ZNF311: variants seen among roughly 807,000 people sequenced by gnomAD.
The protein encoded by ZNF311 is zinc finger protein 311.
In ZNF311, 14 loss-of-function variants were observed where a neutral mutation model predicts 22.7. That is an observed-to-expected ratio of 0.62 (90% CI 0.41 to 0.96). The LOEUF (loss-of-function observed/expected upper bound fraction) is 0.96, where lower values mean the gene tolerates loss of function less well. Among genes scored for constraint, ZNF311 ranks in the 40% least tolerant of loss-of-function variants. ZNF311 has a pLI of 0.00. For missense variants in ZNF311, 731 were observed against 799.0 expected, an observed-to-expected ratio of 0.91 and a Z score of 1.03; for synonymous variants, 250 against 275.3, an observed-to-expected ratio of 0.91 and a Z score of 0.91.
Position 28,995,745 on chromosome 6 carries a change from C to T in ZNF311, c.1257G>A (p.Lys419=), listed in dbSNP as rs1779428368. 1.2e-6 allele frequency: 2 copies of T among 1,613,920 alleles called. No homozygotes were observed. The highest frequency in any genetic ancestry group is 1.7e-6 in the Non-Finnish European group (2 of 1,180,038). ...HTGERPYECS[K]CGRAFSRSSD... ...AGCTCCGACTGAAGGCCCTTCCACA[C>T]TTGCTGCACTCATAAGGTCGTTCCC... Residue 419 remains lysine, a synonymous_variant, in exon 7 of 7, where the codon AAG becomes AAA. Transcript: ENST00000377179. The surrounding 1 kb of genome is among the most constrained non-coding windows in gnomAD (Gnocchi z 4.7).
rs764549280 is a variant in ZNF311 at position 28,998,781 on chromosome 6, C to T, written c.368G>A (p.Cys123Tyr). The T allele has an allele frequency of 3.1e-6, 5 of 1,612,832 alleles. No individual in the cohort carries two copies. Among genetic ancestry groups the T allele is most frequent in the East Asian group, 2.2e-5 (1 of 44,868 alleles). ...CTCCCTGTCCTGTGGATCCTGCACA[C>T]AGGGGTCTACTTCTCGCTCCAGATG... is the stretch of plus-strand genomic sequence containing the variant. Reference protein sequence around the residue: ...ISHLEREVDPCVQDPQDRESL... With the variant: ...ISHLEREVDPYVQDPQDRESL... Residue 123 changes from cysteine (C) to tyrosine (Y), a missense_variant, in exon 6 of 7, where the codon TGT becomes TAT. Cys to Tyr is a radical substitution (Grantham distance 194, BLOSUM62 -2). Transcript: ENST00000377179.
chr6:29,003,901 T>C, intron 2 of ZNF311, 45 bp downstream of exon 2: 1 of 1,612,828 alleles, frequency 6.2e-7, no homozygotes, highest in Non-Finnish European at 8.5e-7. Context: ...GACTCACTTC[T>C]CCTTCTTCCT....
Position 28,996,363 on chromosome 6 carries a change from C to T in ZNF311, c.639G>A (p.Val213=). 6.2e-7 allele frequency: 1 copy of T among 1,611,922 alleles called. No individual in the cohort carries two copies. The highest frequency in any genetic ancestry group is 1.1e-5 in the South Asian group (1 of 91,036). The change falls in exon 7 of 7, where the codon GTG becomes GTA. Residue 213 remains valine (V), a synonymous_variant. Coordinates refer to ENST00000377179, the MANE Select transcript of ZNF311 (RefSeq NM_001382360.1). ...TCTGGTTCTTTCCTTTTTTGCAGGT[C>T]ACTTCCTCAGAGCCTTCTTTCTCTT... ...LREEKEGSEE[V]TCKKGKNQKV... is the part of the protein sequence containing the mutation.
In ZNF311 at chr6:28,995,048, C is replaced by G; in HGVS notation, c.1954G>C (p.Val652Leu). ...ACTACTGAGGTCTGAGAAACAGTCA[C>G]TGGAGAGAGGGATTTCCTACTCCCA... ...LDGSRKSLSP[V>L]TVSQTSVVSI... is the part of the protein sequence containing the mutation. The change falls in exon 7 of 7, where the codon GTG becomes CTG. Residue 652 changes from valine to leucine, a missense_variant. Val to Leu is a conservative substitution (Grantham distance 32). Coordinates refer to ENST00000377179, the MANE Select transcript of ZNF311 (RefSeq NM_001382360.1). The surrounding 1 kb of genome is among the most constrained non-coding windows in gnomAD (Gnocchi z 4.7). The G allele has an allele frequency of 1.2e-6, 2 of 1,612,996 alleles. No individual in the cohort carries two copies. Among genetic ancestry groups the G allele is most frequent in the South Asian group, 2.2e-5 (2 of 90,996 alleles).
At chr6:28,997,954 T>C (rs1399805722) in intron 6 of ZNF311, among the ~76,000 whole-genome samples, 1 of 152,146 alleles carries the variant, frequency 6.6e-6, no homozygotes, top group Non-Finnish European at 1.5e-5. Flanking sequence ...AAAACAGACG[T>C]CATATCATGA....
At chr6:28,999,084 G>GT (rs77858810) in intron 5 of ZNF311, among the ~76,000 whole-genome samples, 10,417 of 141,166 alleles carry the variant, frequency 0.074, 391 homozygotes, top group African/African-American at 0.11. Context: ...GTGCTCTCCT[G>GT]TTTTTTTTTT....
chr6:29,000,172 C>G, intron 3 of ZNF311, 125 bp from the exon 4 acceptor site: 1 of 817,940 alleles, frequency 1.2e-6, no homozygotes, highest in Non-Finnish European at 1.9e-6. Context: ...AGGCTACTGC[C>G]TTACAGTATC....
At chr6:28,997,818 C>A (rs1228648577) in intron 6 of ZNF311, among the ~76,000 whole-genome samples, 1 of 152,146 alleles carries the variant, frequency 6.6e-6, no homozygotes, top group Non-Finnish European at 1.5e-5. Context: ...TCTCCTTTGC[C>A]TCAGTTGCTT....
intron 6 of ZNF311, 59 bp downstream of exon 6, chr6:28,998,675 C>G (rs1407919961): frequency 8.1e-7 from 1 of 1,241,092 alleles, no homozygotes; most frequent in Non-Finnish European, 1.2e-6. Context: ...TGAGAATGTT[C>G]CATAACCATT....
chr6:28,998,965 A>C (rs1780029813), intron 5 of ZNF311, 127 bp from the exon 6 acceptor site: 2 of 617,238 alleles, frequency 3.2e-6, no homozygotes, highest in Admixed American at 6.8e-5. Context: ...TAGATAGAGA[A>C]AAGGGTTTTT....
At position 28,995,280 on chromosome 6, in the gene ZNF311, T is replaced by C. The variant is rs750348582; in HGVS notation, c.1722A>G (p.Lys574=). ...ATGGCTTCTCACCAGTGTGGATTCT[T>C]TTGTGCTGCCTCAGGACTGAACTAT... The part of the protein sequence containing the change: ...FHHSSVLRQH[K]RIHTGEKPYT... Residue 574 remains lysine (K), a synonymous_variant, in exon 7 of 7, where the codon AAA becomes AAG. Coordinates refer to ENST00000377179, the MANE Select transcript of ZNF311 (RefSeq NM_001382360.1). The surrounding 1 kb of genome is among the most constrained non-coding windows in gnomAD (Gnocchi z 4.7). 6.2e-7 allele frequency: 1 copy of C among 1,613,820 alleles called. No individual in the cohort carries two copies. Among genetic ancestry groups the C allele is most frequent in the Non-Finnish European group, 8.5e-7 (1 of 1,179,988 alleles).
chr6:28,995,399 C>G lies in ZNF311; in HGVS notation c.1603G>C (p.Ala535Pro), dbSNP rs1779340918. Residue 535 changes from alanine to proline, a missense_variant, in exon 7 of 7, where the codon GCT becomes CCT. Physicochemically the swap from Ala to Pro is conservative, Grantham distance 27 (BLOSUM62 -1). Transcript: ENST00000377179. The surrounding 1 kb of genome is among the most constrained non-coding windows in gnomAD (Gnocchi z 4.7). ...KPYKCLECGKAFSGKSNLTNH... is the reference protein window; with the variant it reads ...KPYKCLECGKPFSGKSNLTNH... ...GTCAAGTTTGACTTCCCACTGAAAGCTTTCCCACACTCTAAACATTTGTAA... is the reference window on the plus strand; with the variant it reads ...GTCAAGTTTGACTTCCCACTGAAAGGTTTCCCACACTCTAAACATTTGTAA... The G allele has an allele frequency of 6.2e-7, 1 of 1,614,146 alleles. No homozygotes were observed. The highest frequency in any genetic ancestry group is 8.5e-7 in the Non-Finnish European group (1 of 1,180,032).
intron 3 of ZNF311, among the ~76,000 whole-genome samples, chr6:29,003,165 C>A (rs1780687028): frequency 6.6e-6 from 1 of 152,112 alleles, no homozygotes; most frequent in Non-Finnish European, 1.5e-5. Flanking sequence ...CTGAATTATA[C>A]CACAAGTTTT....
chr6:29,003,876 T>C (rs1780799421), intron 2 of ZNF311, 70 bp downstream of exon 2: 1 of 1,612,760 alleles, frequency 6.2e-7, no homozygotes, highest in Non-Finnish European at 8.5e-7. Context: ...CTCACACTGC[T>C]TTCCTTCTTT....
At position 28,996,499 on chromosome 6, in the gene ZNF311, A is replaced by C; in HGVS notation, c.503T>G (p.Phe168Cys). ...FENGEAYWMKFNSLLKVDSRD... is the reference protein window; with the variant it reads ...FENGEAYWMKCNSLLKVDSRD... ...GGAATCAACTTTTAGGAGACTGTTA[A>C]ATTTCATCCAGTAGGCTTCTCCATT... The change falls in exon 7 of 7, where the codon TTT (phenylalanine) becomes TGT (cysteine). Residue 168 changes from phenylalanine to cysteine, a missense_variant. Transcript: ENST00000377179. 1.9e-6 allele frequency: 3 copies of C among 1,607,530 alleles called. No homozygotes were observed. The highest frequency in any genetic ancestry group is 2.5e-6 in the Non-Finnish European group (3 of 1,179,994).
At chr6:29,004,926 T>C (rs1176373327) in intron 1 of ZNF311, 82 bp downstream of exon 1, 1 of 152,200 alleles carries the variant, frequency 6.6e-6, no homozygotes, top group African/African-American at 2.4e-5. Context: ...TTCTTATAGG[T>C]CATCTTCCCA....
intron 3 of ZNF311, 93 bp from the exon 4 acceptor site, chr6:29,000,140 T>C: frequency 8.3e-7 from 1 of 1,205,274 alleles, no homozygotes; most frequent in Non-Finnish European, 1.2e-6. Flanking sequence ...TAGAAGCTTC[T>C]GCAGCTCTAA....
Position 28,996,131 on chromosome 6 carries a change from A to G in ZNF311, c.871T>C (p.Ser291Pro). The change falls in exon 7 of 7, where the codon TCT (serine) becomes CCT (proline). Residue 291 changes from serine to proline, a missense_variant. Ser to Pro is a moderately conservative substitution (Grantham distance 74). Transcript: ENST00000377179. The stretch of plus-strand genomic sequence containing the variant: ...CCTGTGTGGATTATCCGGTGCATAG[A>G]AAGCTGATTTCTGGTCTTGAATGCT... ...GKAFKTRNQL[S>P]MHRIIHTGEK... The G allele has an allele frequency of 6.2e-7, 1 of 1,613,248 alleles. No homozygotes were observed. Among genetic ancestry groups the G allele is most frequent in the Non-Finnish European group, 8.5e-7 (1 of 1,179,970 alleles).
At chr6:28,998,493 CTG>C (rs1779950283) in intron 6 of ZNF311, among the ~76,000 whole-genome samples, 1 of 152,160 alleles carries the variant, frequency 6.6e-6, no homozygotes, top group South Asian at 2.1e-4. Context: ...TGCCCAGCCT[CTG>C]AGCCTTTTTT....
Sources: gnomAD v4.1 joint callset for allele counts (sites outside exome capture counted in the v4.1 genomes callset) on GRCh38, gnomAD v4.1.1 for gene constraint, Gnocchi (gnomAD v3.1) non-coding constraint, MANE v1.5 for transcripts, NCBI Gene and HGNC (gene_info 2026-07-23, HGNC 2026-07-21) for gene names.